Variants in AGMO observed in about 807,000 individuals in gnomAD.
The protein encoded by AGMO is glyceryl-ether monooxygenase.
Under a neutral mutation model 60.2 loss-of-function variants are expected in AGMO, and 75 were observed. The observed-to-expected ratio is 1.25, with a 90% CI of 1.03 to 1.51. The LOEUF is 1.51. AGMO is among the 40% of genes most tolerant of loss of function. AGMO has a pLI of 0.00. For missense variants in AGMO, 763 were observed against 525.5 expected, an observed-to-expected ratio of 1.45 and a Z score of -4.42; for synonymous variants, 261 against 177.1, an observed-to-expected ratio of 1.47 and a Z score of -3.76.
At chr7:15,528,313 C>A (rs1052515135) in intron 3 of AGMO, among the ~76,000 whole-genome samples, 1 of 152,072 alleles carries the variant, frequency 6.6e-6, no homozygotes, top group Middle Eastern at 3.4e-3. Context: ...ATTTTATATG[C>A]TCTAGGAAAC....
chr7:15,558,100 C>T (rs555362901), intron 2 of AGMO, among the ~76,000 whole-genome samples: 1 of 151,304 alleles, frequency 6.6e-6, no homozygotes, highest in African/African-American at 2.4e-5. Flanking sequence ...CCTGTTATAA[C>T]TCTGTACCTT....
the AGMO span, among the ~76,000 whole-genome samples, chr7:15,166,464 C>T: frequency 6.6e-6 from 1 of 152,168 alleles, no homozygotes; most frequent in South Asian, 2.1e-4. Context: ...AGGCATCCAT[C>T]ATACAATGTC....
intron 12 of AGMO, among the ~76,000 whole-genome samples, chr7:15,356,146 C>T (rs892136449): frequency 6.6e-6 from 1 of 152,114 alleles, no homozygotes; most frequent in Admixed American, 6.5e-5. Flanking sequence ...AACTTGGCAT[C>T]AGCTAAAGAA....
the AGMO span, among the ~76,000 whole-genome samples, chr7:15,184,680 AGGG>A: frequency 7.1e-5 from 2 of 28,026 alleles, 1 homozygote; most frequent in African/African-American, 3.8e-4. Context: ...GGAGGGAGGG[AGGG>A]AAGGAAGGAA....
intron 3 of AGMO, among the ~76,000 whole-genome samples, chr7:15,445,427 C>T (rs1781674736): frequency 6.6e-6 from 1 of 152,060 alleles, no homozygotes; most frequent in Non-Finnish European, 1.5e-5. Flanking sequence ...TATTGCTGTT[C>T]CTTTGGTCCT....
chr7:15,127,452 A>G, the AGMO span, among the ~76,000 whole-genome samples: 1 of 152,114 alleles, frequency 6.6e-6, no homozygotes, highest in Non-Finnish European at 1.5e-5. Flanking sequence ...ATTATCTAGT[A>G]TATGTTGACA....
At chr7:15,560,890 A>C (rs1305247037) in intron 1 of AGMO, among the ~76,000 whole-genome samples, 1 of 152,178 alleles carries the variant, frequency 6.6e-6, no homozygotes, top group Admixed American at 6.6e-5. Flanking sequence ...ATTTGGTTTG[A>C]TATTGCAGTA....
chr7:15,237,197 GA>G (rs1782448729), intron 12 of AGMO, among the ~76,000 whole-genome samples: 2 of 152,124 alleles, frequency 1.3e-5, no homozygotes, highest in South Asian at 4.1e-4. Context: ...GCAGATTCCA[GA>G]AGCAGCAGCT....
intron 3 of AGMO, among the ~76,000 whole-genome samples, chr7:15,455,554 A>C (rs1346374926): frequency 6.6e-6 from 1 of 152,066 alleles, no homozygotes; most frequent in African/African-American, 2.4e-5. Context: ...ATTCTCCTCT[A>C]TTTATTCCTC....
chr7:15,447,755 G>T (rs1216856273), intron 3 of AGMO, among the ~76,000 whole-genome samples: 2 of 151,816 alleles, frequency 1.3e-5, no homozygotes, highest in Non-Finnish European at 2.9e-5. Context: ...GTTTCGCCAT[G>T]TTGGCCAGGC....
At chr7:15,470,236 T>G (rs1376655762) in intron 3 of AGMO, among the ~76,000 whole-genome samples, 3 of 151,976 alleles carry the variant, frequency 2.0e-5, no homozygotes, top group Non-Finnish European at 4.4e-5. Context: ...CATTAGAAGA[T>G]TATATTTAAC....
At chr7:15,158,030 T>C in the AGMO span, among the ~76,000 whole-genome samples, 1 of 152,198 alleles carries the variant, frequency 6.6e-6, no homozygotes, top group Non-Finnish European at 1.5e-5. Context: ...ATTCAATAGA[T>C]TCTTTTATCC....
chr7:15,204,192 T>A (rs996092107), intron 12 of AGMO, among the ~76,000 whole-genome samples: 1 of 152,138 alleles, frequency 6.6e-6, no homozygotes, highest in South Asian at 2.1e-4. Context: ...GATTCAAATA[T>A]ATATTGCACT....
At chr7:15,429,230 C>T (rs1473127553) in intron 4 of AGMO, among the ~76,000 whole-genome samples, 5 of 151,890 alleles carry the variant, frequency 3.3e-5, no homozygotes, top group Non-Finnish European at 1.5e-5. Context: ...AAATCTGAGC[C>T]CTAATACCCA....
intron 12 of AGMO, among the ~76,000 whole-genome samples, chr7:15,340,415 A>G (rs936030011): frequency 6.6e-6 from 1 of 152,218 alleles, no homozygotes; most frequent in African/African-American, 2.4e-5. Flanking sequence ...TAGAGGTGCC[A>G]GAGACAATCT....
chr7:15,291,181 T>C (rs1420098029), intron 12 of AGMO, among the ~76,000 whole-genome samples: 4 of 152,076 alleles, frequency 2.6e-5, no homozygotes, highest in South Asian at 4.1e-4. Context: ...AAACTTTTAA[T>C]TTATCTTTTT....
chr7:15,334,994 G>T (rs1244536725), intron 12 of AGMO, among the ~76,000 whole-genome samples: 1 of 152,124 alleles, frequency 6.6e-6, no homozygotes. Context: ...GATTTTTATT[G>T]GAGATGGAAA....
intron 12 of AGMO, among the ~76,000 whole-genome samples, chr7:15,334,549 AC>A (rs922330041): frequency 6.6e-6 from 1 of 152,164 alleles, no homozygotes; most frequent in African/African-American, 2.4e-5. Flanking sequence ...GTTAGTTAAT[AC>A]CAAAGGCTTT....
intron 3 of AGMO, among the ~76,000 whole-genome samples, chr7:15,438,891 G>GA: frequency 6.6e-6 from 1 of 152,280 alleles, no homozygotes; most frequent in East Asian, 1.9e-4. Flanking sequence ...TAATACATGT[G>GA]AATGTGATGC....
Sources: allele counts gnomAD v4.1 joint callset (sites outside exome capture counted in the v4.1 genomes callset), GRCh38; gene constraint gnomAD v4.1.1; transcripts MANE v1.5; gene names NCBI Gene and HGNC (gene_info 2026-07-23, HGNC 2026-07-21).